VSIG8: variants seen among roughly 807,000 people sequenced by gnomAD.
VSIG8 encodes V-set and immunoglobulin domain containing 8.
In VSIG8, 32 loss-of-function variants were observed where a neutral mutation model predicts 42.6. That is an observed-to-expected ratio of 0.75 (90% CI 0.57 to 1.01). The LOEUF is 1.01. Among genes scored for constraint, VSIG8 ranks in the 50% least tolerant of loss-of-function variants. VSIG8 has a pLI of 0.00. For synonymous variants in VSIG8, 290 were observed against 243.8 expected, an observed-to-expected ratio of 1.19 and a Z score of -1.77; for missense variants, 529 against 558.0, an observed-to-expected ratio of 0.95 and a Z score of 0.52.
chr1:159,854,544 G>T lies in VSIG8; in HGVS notation c.*209C>A. 1 of 974,088 alleles carries T rather than the reference G, an allele frequency of 1.0e-6. No homozygotes were observed. Among genetic ancestry groups the T allele is most frequent in the Non-Finnish European group, 1.4e-6 (1 of 727,320 alleles). 60.3% of individuals were successfully genotyped at this position (974,088 alleles called of 1,614,324 possible). A position where few individuals can be genotyped will look rare whatever the true frequency, so the allele number is the denominator to read the frequency against. The stretch of plus-strand genomic sequence containing the variant: ...GGGGGTGCGGAGAAGGCTCAGGATC[G>T]CCTTCCTCCGCCCTCGCCCGCCCCT... On this transcript the variant is annotated 3_prime_UTR_variant, in exon 7 of 7. Transcript: ENST00000368100.
chr1:159,856,497 C>T, intron 5 of VSIG8, 27 bp downstream of exon 5: 1 of 1,612,150 alleles, frequency 6.2e-7, no homozygotes, highest in East Asian at 2.2e-5. Flanking sequence ...CTCCCAACCA[C>T]CCAGCCCTCA....
Position 159,854,547 on chromosome 1 carries a change from T to C in VSIG8, c.*206A>G, listed in dbSNP as rs1011125918. The C allele has an allele frequency of 1.9e-6, 2 of 1,026,594 alleles. No homozygotes were observed. Among genetic ancestry groups the C allele is most frequent in the Non-Finnish European group, 2.6e-6 (2 of 773,612 alleles). The allele number at this position is 1,026,594 out of a possible 1,614,324, so 63.6% of individuals were successfully genotyped here. A position where few individuals can be genotyped will look rare whatever the true frequency, so the allele number is the denominator to read the frequency against. On this transcript the variant is annotated 3_prime_UTR_variant, in exon 7 of 7. Transcript: ENST00000368100. ...GGTGCGGAGAAGGCTCAGGATCGCC[T>C]TCCTCCGCCCTCGCCCGCCCCTTCC...
intron 6 of VSIG8, 22 bp from the exon 7 acceptor site, chr1:159,855,048 C>G (rs1478629892): frequency 1.9e-6 from 3 of 1,569,674 alleles, no homozygotes; most frequent in African/African-American, 2.7e-5. Context: ...AACAGGCGGG[C>G]GGGTGAGCGG....
chr1:159,855,674 C>T (rs1648791648), intron 6 of VSIG8: 2 of 955,140 alleles, frequency 2.1e-6, no homozygotes, highest in African/African-American at 1.8e-5. Context: ...AAATGGAAGG[C>T]AGGGAGCAGA....
rs1648724708 is a variant in VSIG8 at position 159,854,454 on chromosome 1, C to T, written c.*299G>A. Reference sequence around the variant, plus strand: ...GCTTAGGCTGGGGACACCAGGCCTCCGGCCTCAGCCGCTCTAGGACACTCA... The same window carrying T: ...GCTTAGGCTGGGGACACCAGGCCTCTGGCCTCAGCCGCTCTAGGACACTCA... On this transcript the variant is annotated 3_prime_UTR_variant, in exon 7 of 7. Coordinates refer to ENST00000368100, the MANE Select transcript of VSIG8 (RefSeq NM_001013661.1). 6.7e-6 allele frequency: 3 copies of T among 445,612 alleles called. No homozygotes were observed. Among genetic ancestry groups the T allele is most frequent in the Admixed American group, 4.8e-5 (1 of 20,952 alleles). 27.6% of individuals were successfully genotyped at this position (445,612 alleles called of 1,614,324 possible).
chr1:159,859,025 G>A, intron 1 of VSIG8, 113 bp from the exon 2 acceptor site: 2 of 1,152,780 alleles, frequency 1.7e-6, no homozygotes, highest in South Asian at 1.6e-5. Flanking sequence ...GAGGTCAGCA[G>A]TGCTTTCATA....
chr1:159,857,755 G>A lies in VSIG8; in HGVS notation c.642C>T (p.Ser214=). 1.2e-6 allele frequency: 2 copies of A among 1,613,994 alleles called. No homozygotes were observed. Among genetic ancestry groups the A allele is most frequent in the East Asian group, 2.2e-5 (1 of 44,878 alleles). ...ELSYQESFHS[S]INQGLNNGDL... ...CCAGGGCCCTCTCACCTTGGTTTATGGAGCTGTGGAAGGACTCCTGGTAGG... is the reference window on the plus strand; with the variant it reads ...CCAGGGCCCTCTCACCTTGGTTTATAGAGCTGTGGAAGGACTCCTGGTAGG... Residue 214 remains serine (S), a synonymous_variant, in exon 4 of 7, where the codon TCC becomes TCT. Coordinates refer to ENST00000368100, the MANE Select transcript of VSIG8 (RefSeq NM_001013661.1).
intron 1 of VSIG8, chr1:159,861,466 A>T (rs1649019521): frequency 6.7e-6 from 1 of 150,090 alleles, no homozygotes; most frequent in Non-Finnish European, 1.5e-5. Flanking sequence ...CACAGGGGGA[A>T]GTCCGGGTCC....
chr1:159,859,847 G>A (rs764743453), intron 1 of VSIG8, among the ~76,000 whole-genome samples: 5 of 152,072 alleles, frequency 3.3e-5, no homozygotes, highest in Admixed American at 2.6e-4. Flanking sequence ...GTCAGTGGCA[G>A]GCAATCCTGG....
At position 159,862,318 on chromosome 1, in the gene VSIG8, C is replaced by T. The variant is rs1047854909; in HGVS notation, c.49+155G>A. ...ACAGGGTCTCCTGGGGAAAGGTCCC[C>T]TGGTAATACCCACACCCGGCTGCAG... On this transcript the variant is annotated intron_variant, in intron 1 of 6. Coordinates refer to ENST00000368100, the MANE Select transcript of VSIG8 (RefSeq NM_001013661.1). The T allele has an allele frequency of 1.1e-5, 8 of 701,680 alleles. No individual in the cohort carries two copies. The East Asian group carries it at 1.4e-4, about 12-fold the overall frequency. The allele number at this position is 701,680 out of a possible 1,614,324, so 43.5% of individuals were successfully genotyped here.
intron 2 of VSIG8, 74 bp from the exon 3 acceptor site, chr1:159,858,365 G>A (rs2101829985): frequency 6.8e-7 from 1 of 1,465,828 alleles, no homozygotes; most frequent in Non-Finnish European, 9.5e-7. Flanking sequence ...GCTGCTTTGG[G>A]CAATTCACTG....
chr1:159,862,338 C>T, intron 1 of VSIG8, 135 bp downstream of exon 1: 2 of 891,522 alleles, frequency 2.2e-6, no homozygotes, highest in Admixed American at 5.2e-5. Context: ...CCACACCCGG[C>T]TGCAGCAGGG....
chr1:159,855,428 A>T, intron 6 of VSIG8: 1 of 1,414,998 alleles, frequency 7.1e-7, no homozygotes, highest in East Asian at 2.6e-5. Flanking sequence ...AGTCTTCTCC[A>T]TCTTTCCCTC....
In VSIG8 at chr1:159,854,720, T is replaced by C; in HGVS notation, c.*33A>G. 1 of 1,435,066 alleles carries C rather than the reference T, an allele frequency of 7.0e-7. No homozygotes were observed. Among genetic ancestry groups the C allele is most frequent in the Non-Finnish European group, 9.1e-7 (1 of 1,102,528 alleles). The allele number at this position is 1,435,066 out of a possible 1,614,324, so 88.9% of individuals were successfully genotyped here. On this transcript the variant is annotated 3_prime_UTR_variant, in exon 7 of 7. Transcript: ENST00000368100. ...GACAGAGAGCCCCGCGCCCTCCTCC[T>C]GGCTGGGGCGCAGCCCGGCCCGGCG...
chr1:159,855,168 C>A (rs555336700), intron 6 of VSIG8, 142 bp from the exon 7 acceptor site: 1 of 1,551,698 alleles, frequency 6.4e-7, no homozygotes, highest in Admixed American at 2.0e-5. Context: ...CCCTCGGCCT[C>A]GACCTACTGT....
At chr1:159,855,194 C>T (rs905150962) in intron 6 of VSIG8, 168 bp from the exon 7 acceptor site, 6 of 1,551,630 alleles carry the variant, frequency 3.9e-6, no homozygotes, top group Non-Finnish European at 5.2e-6. Flanking sequence ...GTGACCCTTC[C>T]TGGGTCGGCG....
intron 4 of VSIG8, among the ~76,000 whole-genome samples, chr1:159,857,040 G>A (rs1180966693): frequency 3.3e-5 from 5 of 152,102 alleles, no homozygotes; most frequent in Non-Finnish European, 4.4e-5. Flanking sequence ...TATGTACTAG[G>A]AGCTTTACAC....
At chr1:159,862,427 C>T (rs745312581) in intron 1 of VSIG8, 46 bp downstream of exon 1, 1 of 1,578,050 alleles carries the variant, frequency 6.3e-7, no homozygotes, top group Non-Finnish European at 8.6e-7. Flanking sequence ...CTTTCCTTCC[C>T]ACCTAGCCTC....
chr1:159,859,417 C>T (rs1381184606), intron 1 of VSIG8, among the ~76,000 whole-genome samples: 2 of 152,136 alleles, frequency 1.3e-5, no homozygotes, highest in Non-Finnish European at 2.9e-5. Flanking sequence ...TGAAGTCCTC[C>T]TGTCCAGAGG....
Sources: gnomAD v4.1 joint callset for allele counts (sites outside exome capture counted in the v4.1 genomes callset) on GRCh38, gnomAD v4.1.1 for gene constraint, MANE v1.5 for transcripts, NCBI Gene and HGNC (gene_info 2026-07-23, HGNC 2026-07-21) for gene names.